Variants in MICU2 observed in about 807,000 individuals in gnomAD.
MICU2 encodes the protein mitochondrial calcium uptake 2.
In MICU2, 64 loss-of-function variants were observed where a neutral mutation model predicts 60.4. The observed-to-expected ratio is 1.06, with a 90% CI of 0.87 to 1.31. The LOEUF is 1.31. Ranked by LOEUF, MICU2 falls within the 50% of genes most tolerant of loss-of-function variation. MICU2 has a pLI of 0.00. For synonymous variants in MICU2, 201 were observed against 175.0 expected (o/e 1.15, Z -1.17); for missense variants, 569 against 531.0 (o/e 1.07, Z -0.70).
At chr13:21,572,792 T>C (rs1189252491) in intron 1 of MICU2, among the ~76,000 whole-genome samples, 1 of 152,168 alleles carries the variant, frequency 6.6e-6, no homozygotes, top group East Asian at 1.9e-4. Flanking sequence ...ACAGCTGCAA[T>C]TGCCTGGACC....
At chr13:21,510,896 T>C (rs1047488364) in intron 7 of MICU2, among the ~76,000 whole-genome samples, 2 of 150,648 alleles carry the variant, frequency 1.3e-5, no homozygotes, top group African/African-American at 5.0e-5. Context: ...CTGCAATAAG[T>C]AGATTAACAG....
chr13:21,543,492 T>C (rs777296734), intron 2 of MICU2, among the ~76,000 whole-genome samples: 6 of 152,116 alleles, frequency 3.9e-5, no homozygotes, highest in East Asian at 3.8e-4. Flanking sequence ...AAAATCAACA[T>C]AGAAAAATCA....
intron 9 of MICU2, 101 bp downstream of exon 9, chr13:21,502,825 G>A (rs1886209392): frequency 5.4e-6 from 6 of 1,103,376 alleles, no homozygotes; most frequent in Admixed American, 2.4e-5. Flanking sequence ...ATATACCATC[G>A]AGGGTAGCAC....
intron 1 of MICU2, among the ~76,000 whole-genome samples, chr13:21,591,282 A>G (rs1331881949): frequency 6.6e-6 from 1 of 152,214 alleles, no homozygotes. Flanking sequence ...AAGACAAAGA[A>G]GGGCATTACA....
At chr13:21,520,183 T>C (rs1170420716) in intron 6 of MICU2, among the ~76,000 whole-genome samples, 2 of 152,226 alleles carry the variant, frequency 1.3e-5, no homozygotes, top group Non-Finnish European at 2.9e-5. Flanking sequence ...ATTGTATGGA[T>C]CCTATTTGTT....
chr13:21,530,794 A>G, intron 4 of MICU2: 1 of 678,366 alleles, frequency 1.5e-6, no homozygotes. Context: ...AGCACCAGGA[A>G]GAGATGGCGG....
chr13:21,562,710 T>G (rs980309572), intron 2 of MICU2, among the ~76,000 whole-genome samples: 1 of 152,244 alleles, frequency 6.6e-6, no homozygotes. Flanking sequence ...CTGTTATATA[T>G]TTCACTTATC....
chr13:21,571,925 T>C (rs1022073770), intron 1 of MICU2, among the ~76,000 whole-genome samples: 1 of 152,216 alleles, frequency 6.6e-6, no homozygotes, highest in African/African-American at 2.4e-5. Context: ...AAGATCATCA[T>C]GAATTTTCAC....
At chr13:21,564,562 T>G (rs75159267) in intron 2 of MICU2, among the ~76,000 whole-genome samples, 1 of 152,262 alleles carries the variant, frequency 6.6e-6, no homozygotes, top group East Asian at 1.9e-4. Flanking sequence ...TGTGAAGGGA[T>G]GTACCCTTCA....
chr13:21,603,255 T>C (rs1281668955), intron 1 of MICU2, among the ~76,000 whole-genome samples: 1 of 152,180 alleles, frequency 6.6e-6, no homozygotes, highest in African/African-American at 2.4e-5. Flanking sequence ...TAAAGGCGTG[T>C]GCCACCGCGC....
chr13:21,583,509 C>G (rs998595037), intron 1 of MICU2, among the ~76,000 whole-genome samples: 1 of 152,182 alleles, frequency 6.6e-6, no homozygotes, highest in African/African-American at 2.4e-5. Context: ...CTAGGACAGA[C>G]AAGTCTTTCA....
intron 9 of MICU2, among the ~76,000 whole-genome samples, chr13:21,499,603 G>T (rs960617494): frequency 1.3e-5 from 2 of 151,254 alleles, no homozygotes; most frequent in Non-Finnish European, 2.9e-5. Context: ...GTAGAGATGG[G>T]GTTTCACCAT....
chr13:21,593,571 C>CAA (rs71093338), intron 1 of MICU2, among the ~76,000 whole-genome samples: 6,468 of 62,872 alleles, frequency 0.1, 1,051 homozygotes, highest in Non-Finnish European at 0.12. Flanking sequence ...CAATCCTAAG[C>CAA]AAAAAAAAAA....
chr13:21,498,545 A>AT (rs1886062008), intron 9 of MICU2, among the ~76,000 whole-genome samples: 3 of 151,916 alleles, frequency 2.0e-5, no homozygotes, highest in Admixed American at 6.6e-5. Context: ...CGTCCGGCTA[A>AT]TTTTTGTATT....
chr13:21,548,598 G>A (rs1887468877), intron 2 of MICU2, among the ~76,000 whole-genome samples: 1 of 152,172 alleles, frequency 6.6e-6, no homozygotes, highest in African/African-American at 2.4e-5. Flanking sequence ...AACAGGCCAG[G>A]TCAGGTAGTT....
At chr13:21,495,355 G>T (rs1566136462) in intron 10 of MICU2, 37 bp from the exon 11 acceptor site, 1 of 1,472,882 alleles carries the variant, frequency 6.8e-7, no homozygotes, top group Non-Finnish European at 9.1e-7. Context: ...TCAACTATGT[G>T]AAATAGTCTA....
chr13:21,495,989 T>C, intron 10 of MICU2, 63 bp downstream of exon 10: 2 of 1,161,076 alleles, frequency 1.7e-6, no homozygotes, highest in East Asian at 5.0e-5. Context: ...TAGCATTTAG[T>C]TGAAGAATAT....
chr13:21,500,122 G>A (rs1439738327), intron 9 of MICU2, among the ~76,000 whole-genome samples: 1 of 149,378 alleles, frequency 6.7e-6, no homozygotes, highest in East Asian at 2.0e-4. Context: ...TCTGCTGTGT[G>A]GGCAGCATCT....
At chr13:21,584,261 C>A (rs947167620) in intron 1 of MICU2, among the ~76,000 whole-genome samples, 2 of 151,764 alleles carry the variant, frequency 1.3e-5, no homozygotes, top group African/African-American at 2.4e-5. Flanking sequence ...TGGTGGCAGG[C>A]GCCTGTAGTC....
Sources: gnomAD v4.1 joint callset for allele counts (sites outside exome capture counted in the v4.1 genomes callset) on GRCh38, gnomAD v4.1.1 for gene constraint, MANE v1.5 for transcripts, NCBI Gene and HGNC (gene_info 2026-07-23, HGNC 2026-07-21) for gene names.